MAGI2: variants seen among roughly 807,000 people sequenced by gnomAD.
The protein encoded by MAGI2 is membrane associated guanylate kinase, WW and PDZ domain containing 2.
In MAGI2, 35 loss-of-function variants were observed where a neutral mutation model predicts 133.3. The observed-to-expected ratio is 0.26, with a 90% CI of 0.20 to 0.35. The LOEUF is 0.35. Among genes scored for constraint, MAGI2 ranks in the 10% least tolerant of loss-of-function variants. The probability of loss-of-function intolerance (pLI) is 1.00; values close to 1 mark genes in which losing one functional copy is unlikely to be tolerated. For missense variants in MAGI2, 1,636 were observed against 1,863.4 expected (o/e 0.88, Z 2.25); for synonymous variants, 729 against 710.6 (o/e 1.03, Z -0.41).
chr7:78,891,514 A>C (rs539136937), intron 2 of MAGI2, among the ~76,000 whole-genome samples: 1 of 152,338 alleles, frequency 6.6e-6, no homozygotes, highest in East Asian at 1.9e-4. Context: ...GCAGCACATC[A>C]AAAAGCTAAT....
At chr7:78,269,710 T>C (rs1290482660) in intron 9 of MAGI2, among the ~76,000 whole-genome samples, 1 of 152,214 alleles carries the variant, frequency 6.6e-6, no homozygotes, top group Non-Finnish European at 1.5e-5. Flanking sequence ...TTTTCTCCCA[T>C]TCTTTAGGTT....
intron 1 of MAGI2, among the ~76,000 whole-genome samples, chr7:79,297,918 A>G (rs1187987289): frequency 1.3e-5 from 2 of 152,216 alleles, no homozygotes; most frequent in Non-Finnish European, 2.9e-5. Context: ...ATTCCCTGCT[A>G]CATTCCTAGT....
At chr7:78,831,820 T>C (rs1415003510) in intron 2 of MAGI2, among the ~76,000 whole-genome samples, 2 of 152,206 alleles carry the variant, frequency 1.3e-5, no homozygotes, top group African/African-American at 4.8e-5. Context: ...ATTGTTCTAA[T>C]TGATAGAATG....
At chr7:79,236,449 G>T (rs192686400) in intron 1 of MAGI2, among the ~76,000 whole-genome samples, 3 of 152,338 alleles carry the variant, frequency 2.0e-5, no homozygotes, top group African/African-American at 4.8e-5. Flanking sequence ...TTGCGTATAA[G>T]GCTGGTTTTA....
At chr7:78,940,567 A>T (rs1417025985) in intron 2 of MAGI2, 1 of 152,214 alleles carries the variant, frequency 6.6e-6, no homozygotes, top group Non-Finnish European at 1.5e-5. Context: ...TCAAGCCCCC[A>T]ACTGCAGGGC....
intron 6 of MAGI2, among the ~76,000 whole-genome samples, chr7:78,442,444 C>T (rs1033038239): frequency 6.6e-6 from 1 of 152,158 alleles, no homozygotes; most frequent in African/African-American, 2.4e-5. Flanking sequence ...CCTAGAATGA[C>T]CTTCTTTGGA....
chr7:78,907,061 A>C (rs1469676472), intron 2 of MAGI2, among the ~76,000 whole-genome samples: 1 of 152,182 alleles, frequency 6.6e-6, no homozygotes, highest in Non-Finnish European at 1.5e-5. Context: ...TTAAGGGATT[A>C]AAACATTTGA....
intron 1 of MAGI2, among the ~76,000 whole-genome samples, chr7:79,069,634 T>G (rs916157468): frequency 2.0e-5 from 3 of 152,260 alleles, no homozygotes; most frequent in Admixed American, 6.5e-5. Context: ...TGTGTGAATT[T>G]GATCCTGTCA....
chr7:79,421,033 A>C (rs1326261999), intron 1 of MAGI2, among the ~76,000 whole-genome samples: 1 of 152,046 alleles, frequency 6.6e-6, no homozygotes, highest in Non-Finnish European at 1.5e-5. Flanking sequence ...AAATCCAATA[A>C]AATTAAAACA....
At chr7:78,696,910 C>G (rs1817572441) in intron 2 of MAGI2, among the ~76,000 whole-genome samples, 1 of 152,140 alleles carries the variant, frequency 6.6e-6, no homozygotes, top group African/African-American at 2.4e-5. Context: ...GGAGAACACT[C>G]CAGTTCTAGA....
chr7:79,247,731 T>A (rs1390419429), intron 1 of MAGI2, among the ~76,000 whole-genome samples: 1 of 152,142 alleles, frequency 6.6e-6, no homozygotes, highest in Non-Finnish European at 1.5e-5. Flanking sequence ...AGTTACAGTG[T>A]ACAGTTTTTA....
chr7:79,337,012 T>G (rs1210116276), intron 1 of MAGI2, among the ~76,000 whole-genome samples: 1 of 138,070 alleles, frequency 7.2e-6, no homozygotes, highest in Non-Finnish European at 1.6e-5. Flanking sequence ...AAAAAAAAAC[T>G]AACTCTGTGA....
At chr7:78,802,114 T>C (rs1007348459) in intron 2 of MAGI2, among the ~76,000 whole-genome samples, 1 of 152,212 alleles carries the variant, frequency 6.6e-6, no homozygotes, top group Non-Finnish European at 1.5e-5. Flanking sequence ...CTCTTTTCTG[T>C]ACTCTTCTCC....
At chr7:78,649,810 C>T (rs886204150) in intron 2 of MAGI2, among the ~76,000 whole-genome samples, 2 of 152,070 alleles carry the variant, frequency 1.3e-5, no homozygotes, top group Admixed American at 6.6e-5. Flanking sequence ...TTTAACCTCA[C>T]TCGTCTGAAC....
At chr7:79,143,990 A>G (rs894039103) in intron 1 of MAGI2, among the ~76,000 whole-genome samples, 3 of 152,182 alleles carry the variant, frequency 2.0e-5, no homozygotes, top group African/African-American at 7.2e-5. Flanking sequence ...ATACCTAAAA[A>G]TAACAAAATT....
chr7:79,387,601 T>G (rs958921424), intron 1 of MAGI2, among the ~76,000 whole-genome samples: 1 of 152,104 alleles, frequency 6.6e-6, no homozygotes, highest in Non-Finnish European at 1.5e-5. Context: ...ATTTTGTTAT[T>G]TGTTATATTC....
chr7:78,596,136 G>A (rs912474426), intron 3 of MAGI2, among the ~76,000 whole-genome samples: 5 of 142,120 alleles, frequency 3.5e-5, no homozygotes, highest in African/African-American at 1.3e-4. Context: ...GAAGGAAGGA[G>A]GGAAAGAATG....
chr7:78,346,483 C>A (rs574057323), intron 7 of MAGI2, among the ~76,000 whole-genome samples: 1 of 152,274 alleles, frequency 6.6e-6, no homozygotes, highest in South Asian at 2.1e-4. Flanking sequence ...TAGAGTATAG[C>A]AACCAGAGTC....
intron 1 of MAGI2, among the ~76,000 whole-genome samples, chr7:79,118,069 T>C (rs552548974): frequency 2.0e-5 from 3 of 152,284 alleles, no homozygotes; most frequent in South Asian, 4.1e-4. Flanking sequence ...GCGATGCAAG[T>C]CCATACAATG....
Sources: gnomAD v4.1 joint callset for allele counts (sites outside exome capture counted in the v4.1 genomes callset) on GRCh38, gnomAD v4.1.1 for gene constraint, MANE v1.5 for transcripts, NCBI Gene and HGNC (gene_info 2026-07-23, HGNC 2026-07-21) for gene names.